The following PAPPA variants were observed in gnomAD, a reference collection of about 807,000 sequenced individuals.
PAPPA encodes pappalysin-1.
In PAPPA, 60 loss-of-function variants were observed where a neutral mutation model predicts 164.0. The ratio of observed to expected loss-of-function variants is 0.37; its 90% CI spans 0.30 to 0.45. The LOEUF (loss-of-function observed/expected upper bound fraction) is 0.45. Ranked by LOEUF, PAPPA falls within the 20% of genes least tolerant of loss-of-function variation. PAPPA has a pLI of 1.00. For missense variants in PAPPA, 1,782 were observed against 2,087.3 expected, an observed-to-expected ratio of 0.85 and a Z score of 2.85; for synonymous variants, 875 against 814.1, an observed-to-expected ratio of 1.07 and a Z score of -1.27.
chr9:116,280,754 G>C (rs1281315370), intron 9 of PAPPA, among the ~76,000 whole-genome samples: 1 of 152,230 alleles, frequency 6.6e-6, no homozygotes, highest in African/African-American at 2.4e-5. Flanking sequence ...AACCCAGCCT[G>C]CTGCCTGTTT....
intron 9 of PAPPA, among the ~76,000 whole-genome samples, chr9:116,283,160 T>C (rs1241810585): frequency 1.3e-5 from 2 of 152,156 alleles, no homozygotes; most frequent in Non-Finnish European, 1.5e-5. Context: ...ACACTGATTA[T>C]TGTCTATATT....
chr9:116,187,981 G>T lies in PAPPA; in HGVS notation c.1243G>T (p.Asp415Tyr). 2 of 1,614,178 alleles carry T rather than the reference G, an allele frequency of 1.2e-6. No homozygotes were observed. Among genetic ancestry groups the T allele is most frequent in the Non-Finnish European group, 8.5e-7 (1 of 1,180,036 alleles). Residue 415 changes from aspartate (D) to tyrosine (Y), a missense_variant, in exon 2 of 22, where the codon GAC (aspartate) becomes TAC (tyrosine). Asp to Tyr is a radical substitution (Grantham distance 160). This residue lies in a region of PAPPA where 1,324 missense variants were observed against 1,656.9 expected (regional missense o/e 0.80). Coordinates refer to ENST00000328252, the MANE Select transcript of PAPPA (RefSeq NM_002581.5). The surrounding 1 kb of genome is among the most constrained non-coding windows in gnomAD (Gnocchi z 4.2). ...LRRRLILANC[D>Y]ISKIGDENCD... ...CCGCCGCCTCATCCTGGCCAACTGTGACATCAGCAAGATTGGGGATGAGAA... is the reference window on the plus strand; with the variant it reads ...CCGCCGCCTCATCCTGGCCAACTGTTACATCAGCAAGATTGGGGATGAGAA...
chr9:116,322,778 C>CTG lies in PAPPA; in HGVS notation c.3148-8446_3148-8445dup, dbSNP rs138568957. Among the ~76,000 whole-genome samples the CTG allele has an allele frequency of 3.5e-3, 532 of 150,892 alleles. 1 individual carries two copies. Among genetic ancestry groups the CTG allele is most frequent in the East Asian group, 6.7e-3 (34 of 5,112 alleles). On this transcript the variant is annotated intron_variant, in intron 10 of 21. Transcript: ENST00000328252. ...AGAAATATTGAGAAACACTGGCTGG[C>CTG]TGTGTGTGTGTGTGTGTGTGTCTGT...
intron 1 of PAPPA, among the ~76,000 whole-genome samples, chr9:116,164,847 A>C (rs1330183457): frequency 6.6e-6 from 1 of 152,200 alleles, no homozygotes; most frequent in African/African-American, 2.4e-5. Context: ...CCCAGGCAGA[A>C]AACATAAAAC....
chr9:116,305,268 C>T (rs1426110014), intron 10 of PAPPA, among the ~76,000 whole-genome samples: 3 of 151,734 alleles, frequency 2.0e-5, no homozygotes, highest in Admixed American at 1.3e-4. Context: ...TATAATTGTG[C>T]TCTTCATTAC....
chr9:116,239,925 T>C (rs1844716375), intron 7 of PAPPA, among the ~76,000 whole-genome samples: 1 of 152,130 alleles, frequency 6.6e-6, no homozygotes, highest in Non-Finnish European at 1.5e-5. Flanking sequence ...TGGTGTCCAA[T>C]AACACAAATT....
intron 1 of PAPPA, among the ~76,000 whole-genome samples, chr9:116,168,182 T>A (rs1362709585): frequency 6.6e-6 from 1 of 152,214 alleles, no homozygotes; most frequent in Non-Finnish European, 1.5e-5. Flanking sequence ...AGACATTCTT[T>A]AAGATTCAAT....
chr9:116,193,387 G>T (rs184866344), intron 2 of PAPPA, among the ~76,000 whole-genome samples: 5 of 152,202 alleles, frequency 3.3e-5, no homozygotes, highest in African/African-American at 1.2e-4. Context: ...ATCTCATGGA[G>T]CATAAACTTC....
chr9:116,390,887 C>G (rs1367383091), intron 21 of PAPPA, among the ~76,000 whole-genome samples: 1 of 152,196 alleles, frequency 6.6e-6, no homozygotes, highest in East Asian at 1.9e-4. Context: ...TCACCACTAG[C>G]ATCATCATTT....
At chr9:116,381,335 G>A (rs546094044) in intron 20 of PAPPA, among the ~76,000 whole-genome samples, 12 of 152,214 alleles carry the variant, frequency 7.9e-5, no homozygotes, top group Non-Finnish European at 1.6e-4. Flanking sequence ...AAGAGCCAAA[G>A]TTGTGTGCAG....
rs199530110 is a variant in PAPPA, at chr9:116,290,827, A to AT, written c.2954-11921dup. Among the ~76,000 whole-genome samples, 150 of 149,896 alleles carry AT rather than the reference A, an allele frequency of 1.0e-3. 1 individual carries two copies. Among genetic ancestry groups the AT allele is most frequent in the South Asian group, 3.8e-3 (18 of 4,718 alleles). ...CACTCTCTGCATATCCATGTTTTGG[A>AT]TTTTTTTTTCCATTTATTAGCTTAT... On this transcript the variant is annotated intron_variant, in intron 9 of 21. Transcript: ENST00000328252.
At position 116,398,601 on chromosome 9, in the gene PAPPA, A is replaced by C. The variant is rs191712626; in HGVS notation, c.*1985A>C. The C allele has an allele frequency of 1.4e-3, 1,635 of 1,204,008 alleles. 2 individuals carry two copies. The highest frequency in any genetic ancestry group is 1.6e-3 in the Non-Finnish European group (1,500 of 910,884). 74.6% of individuals were successfully genotyped at this position (1,204,008 alleles called of 1,614,324 possible). A position where few individuals can be genotyped will look rare whatever the true frequency, so the allele number is the denominator to read the frequency against. ...AGACATCTATTGGCCATCTCTGGCC[A>C]ATTACACTAAGAAACATATCAAGGT... On this transcript the variant is annotated 3_prime_UTR_variant, in exon 22 of 22. Transcript: ENST00000328252.
chr9:116,159,262 A>G (rs1398548899), intron 1 of PAPPA, among the ~76,000 whole-genome samples: 2 of 152,222 alleles, frequency 1.3e-5, no homozygotes, highest in Non-Finnish European at 2.9e-5. Context: ...ATAAACATGC[A>G]AAAAGTACCC....
rs1846406676 is a variant in PAPPA, at chr9:116,360,228, C to T, written c.4348-2364C>T. Among the ~76,000 whole-genome samples, 4 of 152,206 alleles carry T rather than the reference C, an allele frequency of 2.6e-5. No individual in the cohort carries two copies. The South Asian group carries it at 8.3e-4, about 31-fold the overall frequency. The stretch of plus-strand genomic sequence containing the variant: ...TCAATTTCCTACTCCCCAGAGGGCC[C>T]AGGAGAATCATGGGGCCTAGAGCCT... On this transcript the variant is annotated intron_variant, in intron 17 of 21. Coordinates refer to ENST00000328252, the MANE Select transcript of PAPPA (RefSeq NM_002581.5).
intron 12 of PAPPA, among the ~76,000 whole-genome samples, chr9:116,333,792 A>G (rs1264886883): frequency 2.0e-5 from 3 of 152,188 alleles, no homozygotes; most frequent in South Asian, 4.2e-4. Context: ...AGAGTGGGGA[A>G]AAGTCTGGTT....
intron 20 of PAPPA, among the ~76,000 whole-genome samples, 186 bp from the exon 21 acceptor site, chr9:116,382,205 AAGAT>A (rs1334742468): frequency 6.6e-6 from 1 of 152,108 alleles, no homozygotes; most frequent in African/African-American, 2.4e-5. Flanking sequence ...GGTAGAAAGA[AAGAT>A]AAGAGTCTTT....
chr9:116,166,446 C>T (rs752719852), intron 1 of PAPPA, among the ~76,000 whole-genome samples: 3 of 152,164 alleles, frequency 2.0e-5, no homozygotes, highest in Non-Finnish European at 4.4e-5. Context: ...AGTGTCCTGG[C>T]AGTCATATCT....
At chr9:116,277,121 T>C (rs1845208891) in intron 9 of PAPPA, among the ~76,000 whole-genome samples, 1 of 152,184 alleles carries the variant, frequency 6.6e-6, no homozygotes. Flanking sequence ...GCATTTATTA[T>C]TATTTTTCTT....
intron 4 of PAPPA, among the ~76,000 whole-genome samples, chr9:116,212,341 A>T (rs1173222034): frequency 2.6e-5 from 4 of 152,106 alleles, no homozygotes; most frequent in Admixed American, 6.5e-5. Flanking sequence ...AACTGCATAT[A>T]TCTTATCATA....
Sources: allele counts gnomAD v4.1 joint callset (sites outside exome capture counted in the v4.1 genomes callset), GRCh38; gene constraint gnomAD v4.1.1; regional missense constraint gnomAD v4.1.1; non-coding constraint Gnocchi (gnomAD v3.1); transcripts MANE v1.5; gene names NCBI Gene and HGNC (gene_info 2026-07-23, HGNC 2026-07-21).